The following MEMO1 variants were observed in gnomAD, a reference collection of about 807,000 sequenced individuals.
MEMO1 encodes mediator of cell motility 1.
A neutral mutation model predicts 45.2 loss-of-function variants in MEMO1; 6 were observed. The ratio of observed to expected loss-of-function variants is 0.13; its 90% CI spans 0.07 to 0.26. The LOEUF is 0.26. Among genes scored for constraint, MEMO1 ranks in the 10% least tolerant of loss-of-function variants. The probability of loss-of-function intolerance (pLI) is 1.00; values close to 1 mark genes in which losing one functional copy is unlikely to be tolerated. For synonymous variants in MEMO1, 78 were observed against 124.3 expected (o/e 0.63, Z 2.48); for missense variants, 184 against 370.5 (o/e 0.50, Z 4.13).
chr2:31,985,551 C>G (rs558784187), intron 2 of MEMO1, among the ~76,000 whole-genome samples: 1 of 152,236 alleles, frequency 6.6e-6, no homozygotes, highest in South Asian at 2.1e-4. Context: ...GTCGTGAACT[C>G]CTGACCTCAA....
In MEMO1 at chr2:31,949,642, CAAAAAAAA is replaced by C. The variant is rs549686329; in HGVS notation, c.62-6267_62-6260del. ...AGGAGGTGGAGATGGTTAATGGGTA[CAAAAAAAA>C]AAAAAAAAAAAACCAGAAAGAAGGA... On this transcript the variant is annotated intron_variant, in intron 2 of 9. Transcript: ENST00000404530. 9.1e-4 allele frequency among the ~76,000 whole-genome samples: 99 copies of C among 108,964 alleles called. 1 individual carries two copies. The highest frequency in any genetic ancestry group is 3.5e-3 in the African/African-American group (98 of 27,676). The allele number at this position is 108,964 out of a possible 152,430, so 71.5% of individuals were successfully genotyped here. A position where few individuals can be genotyped will look rare whatever the true frequency, so the allele number is the denominator to read the frequency against.
chr2:31,897,713 A>C (rs1440939125), intron 6 of MEMO1, among the ~76,000 whole-genome samples: 4 of 152,166 alleles, frequency 2.6e-5, no homozygotes, highest in Non-Finnish European at 5.9e-5. Flanking sequence ...TTTTAGTATC[A>C]GGATGATGCT....
chr2:31,871,627 G>C (rs1156486000), intron 8 of MEMO1, among the ~76,000 whole-genome samples: 1 of 152,066 alleles, frequency 6.6e-6, no homozygotes, highest in African/African-American at 2.4e-5. Flanking sequence ...GTAATGCTAA[G>C]TTGGTTGTCC....
At chr2:31,942,480 CTCTA>C (rs1488144353) in intron 3 of MEMO1, among the ~76,000 whole-genome samples, 2 of 152,090 alleles carry the variant, frequency 1.3e-5, no homozygotes, top group Admixed American at 6.5e-5. Flanking sequence ...TTCGAAATTA[CTCTA>C]TCTGAGGAAA....
intron 9 of MEMO1, among the ~76,000 whole-genome samples, chr2:31,868,714 T>C (rs1673223220): frequency 6.6e-6 from 1 of 152,232 alleles, no homozygotes; most frequent in Admixed American, 6.5e-5. Context: ...GATAATTAAG[T>C]ATCAGTCATC....
At chr2:31,890,307 AGGAGGT>A (rs1191706348) in intron 7 of MEMO1, among the ~76,000 whole-genome samples, 3 of 152,282 alleles carry the variant, frequency 2.0e-5, no homozygotes, top group Non-Finnish European at 4.4e-5. Context: ...TTAAAAATGA[AGGAGGT>A]GTGGGACACT....
chr2:31,881,495 T>TAA (rs34058748), intron 8 of MEMO1, among the ~76,000 whole-genome samples: 3,181 of 68,194 alleles, frequency 0.047, 130 homozygotes, highest in Non-Finnish European at 0.058. Context: ...AGCCTGTCTT[T>TAA]AAAAAAAAAA....
At chr2:31,898,670 G>A (rs1249423119) in intron 6 of MEMO1, among the ~76,000 whole-genome samples, 1 of 152,184 alleles carries the variant, frequency 6.6e-6, no homozygotes, top group Non-Finnish European at 1.5e-5. Context: ...ATGTGCTGCT[G>A]AGAAGAAGGC....
rs772048902 is a variant in MEMO1 at position 31,943,361 on chromosome 2, T to C, written c.84A>G (p.Leu28=). ...TASGPQLNAQ[L]EGWLSQVQST... is the part of the protein sequence containing the mutation. ...ACTGTACTTGTGAAAGCCAACCTTC[T>C]AGCTGTGCATTCAGCTGCGGTCCTA... The change falls in exon 3 of 10, where the codon CTA becomes CTG. Residue 28 remains leucine, a synonymous_variant. Coordinates refer to ENST00000404530, the MANE Select transcript of MEMO1 (RefSeq NM_001301833.4). 1.2e-6 allele frequency: 2 copies of C among 1,613,768 alleles called. No homozygotes were observed. The highest frequency in any genetic ancestry group is 1.3e-5 in the African/African-American group (1 of 75,050).
intron 2 of MEMO1, among the ~76,000 whole-genome samples, chr2:32,004,308 T>C (rs1308438698): frequency 6.8e-6 from 1 of 147,612 alleles, no homozygotes; most frequent in East Asian, 2.0e-4. Flanking sequence ...GAACTAGAAG[T>C]CAATATGAAA....
chr2:32,005,880 A>G (rs1674005821), intron 2 of MEMO1, among the ~76,000 whole-genome samples: 1 of 152,224 alleles, frequency 6.6e-6, no homozygotes, highest in Admixed American at 6.5e-5. Context: ...ATATACAGGT[A>G]ACATCAAAAA....
chr2:31,969,589 GTGTGTGTGTGTGTGTGTGTGTGT>G (rs1669104204), intron 2 of MEMO1, among the ~76,000 whole-genome samples: 1 of 43,518 alleles, frequency 2.3e-5, no homozygotes, highest in South Asian at 7.8e-4. Context: ...GTGTGTGGGT[GTGTGTGTGTGTGTGTGTGTGTGT>G]GTGTGTGTGT....
intron 2 of MEMO1, among the ~76,000 whole-genome samples, chr2:31,996,081 C>G (rs1283081108): frequency 6.6e-6 from 1 of 151,804 alleles, no homozygotes; most frequent in Non-Finnish European, 1.5e-5. Context: ...AATATGCACA[C>G]CAAATAATAT....
At chr2:31,883,563 G>A (rs1417142263) in intron 7 of MEMO1, 101 bp from the exon 8 acceptor site, 1 of 815,898 alleles carries the variant, frequency 1.2e-6, no homozygotes, top group African/African-American at 1.8e-5. Flanking sequence ...GAAAGGCAAA[G>A]CACAGCTTAA....
chr2:32,005,525 T>C lies in MEMO1; in HGVS notation c.61+4662A>G, dbSNP rs929593843. On this transcript the variant is annotated intron_variant, in intron 2 of 9. Coordinates refer to ENST00000404530, the MANE Select transcript of MEMO1 (RefSeq NM_001301833.4). ...TGTACTTAATTCATCTAGCTGAACTTGTTTAAAGTATGTCATACTTTAAAA... is the reference window on the plus strand; with the variant it reads ...TGTACTTAATTCATCTAGCTGAACTCGTTTAAAGTATGTCATACTTTAAAA... Among the ~76,000 whole-genome samples the C allele has an allele frequency of 3.3e-5, 5 of 152,188 alleles. No homozygotes were observed. The East Asian group carries it at 9.7e-4, about 29-fold the overall frequency.
At chr2:31,894,983 G>A (rs1005280852) in intron 6 of MEMO1, among the ~76,000 whole-genome samples, 3 of 152,042 alleles carry the variant, frequency 2.0e-5, no homozygotes, top group Non-Finnish European at 4.4e-5. Flanking sequence ...ACTAAATTAA[G>A]GAATTGCAGG....
At chr2:31,912,478 A>C (rs1572656497) in intron 6 of MEMO1, among the ~76,000 whole-genome samples, 1 of 148,606 alleles carries the variant, frequency 6.7e-6, no homozygotes, top group Non-Finnish European at 1.5e-5. Flanking sequence ...ATGCCATTGC[A>C]CTCCAGCCTG....
chr2:31,986,434 T>C (rs1216324467), intron 2 of MEMO1, among the ~76,000 whole-genome samples: 3 of 152,156 alleles, frequency 2.0e-5, no homozygotes, highest in South Asian at 2.1e-4. Flanking sequence ...GTTGCGCCAC[T>C]GCACTGCAGC....
rs1179177685 is a variant in MEMO1 at position 31,923,384 on chromosome 2, T to C, written c.213-2474A>G. ...TCTTTCTACCTCTCTTCCTTCAATA[T>C]GTAATTATTAGCACTGCTAATCCTC... On this transcript the variant is annotated intron_variant, in intron 4 of 9. Coordinates refer to ENST00000404530, the MANE Select transcript of MEMO1 (RefSeq NM_001301833.4). 4.0e-5 allele frequency: 11 copies of C among 275,826 alleles called. No homozygotes were observed. The East Asian group carries it at 6.6e-4, about 17-fold the overall frequency. The allele number at this position is 275,826 out of a possible 1,614,324, so 17.1% of individuals were successfully genotyped here.
Sources: gnomAD v4.1 joint callset for allele counts (sites outside exome capture counted in the v4.1 genomes callset) on GRCh38, gnomAD v4.1.1 for gene constraint, MANE v1.5 for transcripts, NCBI Gene and HGNC (gene_info 2026-07-23, HGNC 2026-07-21) for gene names.